Variants in PCBP3 observed in about 807,000 individuals in gnomAD.
PCBP3 encodes poly(rC)-binding protein 3.
PCBP3 carries 25 observed loss-of-function variants against 52.7 expected under a neutral mutation model. The ratio of observed to expected loss-of-function variants is 0.47; its 90% CI spans 0.35 to 0.66. The LOEUF is 0.66. Ranked by LOEUF, PCBP3 falls within the 30% of genes least tolerant of loss-of-function variation. PCBP3 has a pLI of 0.01. For missense variants in PCBP3, 391 were observed against 490.3 expected (o/e 0.80, Z 1.91); for synonymous variants, 162 against 183.0 (o/e 0.89, Z 0.93).
intron 4 of PCBP3, among the ~76,000 whole-genome samples, chr21:45,823,666 C>G (rs1658288726): frequency 6.6e-6 from 1 of 151,908 alleles, no homozygotes; most frequent in Non-Finnish European, 1.5e-5. Flanking sequence ...GCCCATGGGC[C>G]TGGGTTCAGG....
chr21:45,674,372 C>G (rs750038618), intron 2 of PCBP3, among the ~76,000 whole-genome samples: 30 of 152,144 alleles, frequency 2.0e-4, no homozygotes, highest in Non-Finnish European at 3.1e-4. Context: ...GATATAAACT[C>G]TATGTCTGGG....
In PCBP3 at chr21:45,691,400, C is replaced by CATATATATATTATATATATATA. The variant is rs1569121220; in HGVS notation, c.-200+22448_-200+22449insATATATATATTATATATATATA. Among the ~76,000 whole-genome samples the CATATATATATTATATATATATA allele has an allele frequency of 2.4e-3, 327 of 136,890 alleles. 2 individuals carry two copies. Among genetic ancestry groups the CATATATATATTATATATATATA allele is most frequent in the African/African-American group, 8.3e-3 (310 of 37,262 alleles). The allele number at this position is 136,890 out of a possible 152,430, so 89.8% of individuals were successfully genotyped here. ...TGGGGGTAGTTATATATATATATAT[C>CATATATATATTATATATATATA]TCATATATATATTATATATATATAA... On this transcript the variant is annotated intron_variant, in intron 2 of 17. Transcript: ENST00000681687.
chr21:45,898,588 T>TGCACA (rs1443268348), intron 6 of PCBP3, among the ~76,000 whole-genome samples: 1 of 74,574 alleles, frequency 1.3e-5, no homozygotes. Flanking sequence ...AGCCTCCCTC[T>TGCACA]CCCTCCACGG....
chr21:45,939,519 G>A lies in PCBP3; in HGVS notation c.910-511G>A, dbSNP rs190951268. On this transcript the variant is annotated intron_variant, in intron 16 of 17. Transcript: ENST00000681687. ...TTAATCTAAGTTCAGCAAAAGCTAA[G>A]TTTTAGGCAGCAGTGAGCTTTGCTG... Among the ~76,000 whole-genome samples, 683 of 152,386 alleles carry A rather than the reference G, an allele frequency of 4.5e-3. 9 individuals carry two copies. The highest frequency in any genetic ancestry group is 0.015 in the African/African-American group (630 of 41,598).
intron 4 of PCBP3, among the ~76,000 whole-genome samples, chr21:45,843,351 C>G (rs533478065): frequency 5.9e-5 from 9 of 152,314 alleles, no homozygotes; most frequent in African/African-American, 2.2e-4. Flanking sequence ...ATTATTTAGA[C>G]TTTAAGAACC....
intron 4 of PCBP3, among the ~76,000 whole-genome samples, chr21:45,784,886 G>A (rs1334109844): frequency 6.6e-6 from 1 of 151,998 alleles, no homozygotes; most frequent in African/African-American, 2.4e-5. Flanking sequence ...CCGCCACCCC[G>A]TCTGGGAAGT....
At chr21:45,684,291 G>A (rs2082028326) in intron 2 of PCBP3, among the ~76,000 whole-genome samples, 2 of 152,048 alleles carry the variant, frequency 1.3e-5, no homozygotes, top group African/African-American at 4.8e-5. Context: ...AAATCAAGAG[G>A]GTATTAAGTA....
intron 4 of PCBP3, among the ~76,000 whole-genome samples, chr21:45,785,604 T>C (rs1371703732): frequency 6.6e-6 from 1 of 151,390 alleles, no homozygotes; most frequent in Non-Finnish European, 1.5e-5. Context: ...GGAGCCCCTC[T>C]GCCCGGCCAC....
At chr21:45,934,647 A>T (rs1262829683) in intron 15 of PCBP3, among the ~76,000 whole-genome samples, 1 of 152,230 alleles carries the variant, frequency 6.6e-6, no homozygotes, top group African/African-American at 2.4e-5. Flanking sequence ...TGTCTGAGCC[A>T]GGCTATGTGC....
Position 45,800,565 on chromosome 21 carries a change from G to A in PCBP3, c.-126+45113G>A, listed in dbSNP as rs1450030614. On this transcript the variant is annotated intron_variant, in intron 4 of 17. Transcript: ENST00000681687. This position sits in a 1 kb window ranked among gnomAD's most constrained non-coding sequence, Gnocchi z 5.3. ...TAACCCACCCAACACCACCAGCCTT[G>A]CTGGTGCCTCCTGCCCTGCCCTCTG... is the stretch of plus-strand genomic sequence containing the variant. Among the ~76,000 whole-genome samples, 2 of 152,074 alleles carry A rather than the reference G, an allele frequency of 1.3e-5. No individual in the cohort carries two copies. Among genetic ancestry groups the A allele is most frequent in the African/African-American group, 4.8e-5 (2 of 41,436 alleles).
At chr21:45,676,386 T>C (rs944964379) in intron 2 of PCBP3, among the ~76,000 whole-genome samples, 4 of 152,178 alleles carry the variant, frequency 2.6e-5, no homozygotes, top group Admixed American at 6.5e-5. Context: ...TTTAAACAAA[T>C]TTAAGGTTTG....
rs546889798 is a variant in PCBP3, at chr21:45,788,118, C to T, written c.-126+32666C>T. ...TGGGACATGCTGTGACCTGTAGAAT[C>T]GTGTCTGACCATTTCTGGAGGATGC... On this transcript the variant is annotated intron_variant, in intron 4 of 17. Coordinates refer to ENST00000681687, the MANE Select transcript of PCBP3 (RefSeq NM_001384156.1). The surrounding 1 kb of genome is among the most constrained non-coding windows in gnomAD (Gnocchi z 4.3). 9.3e-4 allele frequency among the ~76,000 whole-genome samples: 141 copies of T among 152,256 alleles called. No homozygotes were observed. The highest frequency in any genetic ancestry group is 3.4e-3 in the Middle Eastern group (1 of 294).
intron 15 of PCBP3, 148 bp downstream of exon 15, chr21:45,930,993 G>A: frequency 8.6e-7 from 1 of 1,163,876 alleles, no homozygotes; most frequent in Non-Finnish European, 1.2e-6. Context: ...AAGGGCGTGG[G>A]TGGTGCCATG....
At chr21:45,937,053 C>G (rs942035529) in intron 16 of PCBP3, among the ~76,000 whole-genome samples, 16 of 152,210 alleles carry the variant, frequency 1.1e-4, no homozygotes, top group Admixed American at 2.0e-4. Context: ...TGGGCTGCAC[C>G]AAAGCTGATG....
At chr21:45,647,022 A>C (rs1440857418) in intron 1 of PCBP3, among the ~76,000 whole-genome samples, 1 of 151,664 alleles carries the variant, frequency 6.6e-6, no homozygotes, top group Non-Finnish European at 1.5e-5. Context: ...CTTGAGGTTA[A>C]TGTTGTCAGT....
chr21:45,740,956 C>T (rs1179231031), intron 3 of PCBP3, among the ~76,000 whole-genome samples: 1 of 152,196 alleles, frequency 6.6e-6, no homozygotes, highest in Non-Finnish European at 1.5e-5. Context: ...GTCAGCCTCT[C>T]AGCCCTCTCC....
Position 45,901,117 on chromosome 21 carries a change from A to T in PCBP3, c.339+4A>T. ...GATCGCATACAAGTTTGAGGAGGTA[A>T]CCTGCACCCCAGGCACCTCTGCCAG... On this transcript the variant is annotated splice_donor_region_variant and intron_variant, in intron 9 of 17. Coordinates refer to ENST00000681687, the MANE Select transcript of PCBP3 (RefSeq NM_001384156.1). The T allele has an allele frequency of 6.3e-7, 1 of 1,593,200 alleles. No homozygotes were observed. The highest frequency in any genetic ancestry group is 1.1e-5 in the South Asian group (1 of 90,678).
intron 13 of PCBP3, chr21:45,919,217 C>T (rs1347882235): frequency 6.6e-6 from 1 of 152,262 alleles, no homozygotes; most frequent in Non-Finnish European, 1.5e-5. Flanking sequence ...TTTCTCTTCT[C>T]TAAACCATTT....
At position 45,853,816 on chromosome 21, in the gene PCBP3, C is replaced by T. The variant is rs1241570829; in HGVS notation, c.10+3721C>T. On this transcript the variant is annotated intron_variant, in intron 5 of 17. Coordinates refer to ENST00000681687, the MANE Select transcript of PCBP3 (RefSeq NM_001384156.1). This position sits in a 1 kb window ranked among gnomAD's most constrained non-coding sequence, Gnocchi z 4.6. Reference sequence around the variant, plus strand: ...CATATGTGAGTAAGAGTCAGGCACTCGGTGTTTTAGAATGGGCTCCTGCGT... The same window carrying T: ...CATATGTGAGTAAGAGTCAGGCACTTGGTGTTTTAGAATGGGCTCCTGCGT... 1.3e-5 allele frequency among the ~76,000 whole-genome samples: 2 copies of T among 152,068 alleles called. No homozygotes were observed. Among genetic ancestry groups the T allele is most frequent in the African/African-American group, 2.4e-5 (1 of 41,382 alleles).
Sources: gnomAD v4.1 joint callset for allele counts (sites outside exome capture counted in the v4.1 genomes callset) on GRCh38, gnomAD v4.1.1 for gene constraint, Gnocchi (gnomAD v3.1) non-coding constraint, MANE v1.5 for transcripts, NCBI Gene and HGNC (gene_info 2026-07-23, HGNC 2026-07-21) for gene names.